Variants in PTPRD observed in about 807,000 individuals in gnomAD.
PTPRD encodes protein tyrosine phosphatase receptor type D, also known as receptor-type tyrosine-protein phosphatase delta.
Under a neutral mutation model 214.5 loss-of-function variants are expected in PTPRD, and 34 were observed. The observed-to-expected ratio is 0.16, with a 90% CI of 0.12 to 0.21. The LOEUF (loss-of-function observed/expected upper bound fraction) is 0.21. Among genes scored for constraint, PTPRD ranks in the 10% least tolerant of loss-of-function variants. PTPRD has a pLI of 1.00. For missense variants in PTPRD, 2,545 were observed against 2,398.7 expected, an observed-to-expected ratio of 1.06 and a Z score of -1.27; for synonymous variants, 1,128 against 845.7, an observed-to-expected ratio of 1.33 and a Z score of -5.79.
chr9:8,964,188 CTG>C (rs796631137), intron 11 of PTPRD, among the ~76,000 whole-genome samples: 8,233 of 79,804 alleles, frequency 0.1, 2,199 homozygotes, highest in South Asian at 0.17. Context: ...TAGTTCAGGG[CTG>C]TGTTTTTTTT....
chr9:9,428,640 C>T (rs1206778027), intron 8 of PTPRD, among the ~76,000 whole-genome samples: 1 of 152,138 alleles, frequency 6.6e-6, no homozygotes, highest in Non-Finnish European at 1.5e-5. Context: ...CAAAACTGAC[C>T]ACATAGTTGG....
chr9:10,015,705 A>T (rs1473407609), intron 4 of PTPRD, among the ~76,000 whole-genome samples: 1 of 152,196 alleles, frequency 6.6e-6, no homozygotes. Context: ...AAGGAAGAGG[A>T]GTAGCAGAAA....
chr9:9,832,846 GAGTTTTTGTAGGAATTCAATTAA>G (rs1166421752), intron 5 of PTPRD, among the ~76,000 whole-genome samples: 1 of 151,098 alleles, frequency 6.6e-6, no homozygotes, highest in Non-Finnish European at 1.5e-5. Flanking sequence ...ACTCCTCAAT[GAGTTTTTGTAGGAATTCAATTAA>G]AGAATGGGAA....
At chr9:10,091,448 A>C (rs1259256169) in intron 3 of PTPRD, among the ~76,000 whole-genome samples, 1 of 151,562 alleles carries the variant, frequency 6.6e-6, no homozygotes, top group Non-Finnish European at 1.5e-5. Context: ...TAGCAAGTAG[A>C]GTTATATGTC....
chr9:9,115,031 A>G (rs957580638), intron 10 of PTPRD, among the ~76,000 whole-genome samples: 1 of 152,164 alleles, frequency 6.6e-6, no homozygotes, highest in African/African-American at 2.4e-5. Flanking sequence ...GTATCCAAAC[A>G]AAGCTTGGGT....
chr9:10,101,308 C>T (rs572955879), intron 3 of PTPRD, among the ~76,000 whole-genome samples: 1 of 151,664 alleles, frequency 6.6e-6, no homozygotes, highest in East Asian at 2.0e-4. Flanking sequence ...TTAAAAATGC[C>T]TCCTCAAGCA....
At chr9:8,591,118 T>G (rs1303370755) in intron 14 of PTPRD, among the ~76,000 whole-genome samples, 1 of 152,164 alleles carries the variant, frequency 6.6e-6, no homozygotes, top group African/African-American at 2.4e-5. Flanking sequence ...TGCCTCCAAT[T>G]TAAAGACCCT....
At chr9:8,964,624 G>A (rs1460655118) in intron 11 of PTPRD, among the ~76,000 whole-genome samples, 1 of 151,522 alleles carries the variant, frequency 6.6e-6, no homozygotes, top group Non-Finnish European at 1.5e-5. Context: ...TTGTTTTTCT[G>A]GTTCTTCCAG....
At chr9:9,719,282 C>G (rs570214522) in intron 7 of PTPRD, among the ~76,000 whole-genome samples, 7 of 152,114 alleles carry the variant, frequency 4.6e-5, no homozygotes, top group African/African-American at 1.4e-4. Flanking sequence ...TGTTCAACCT[C>G]CAGTTGTCCA....
chr9:9,176,291 CT>C (rs1351349144), intron 10 of PTPRD, among the ~76,000 whole-genome samples: 1 of 152,142 alleles, frequency 6.6e-6, no homozygotes, highest in Non-Finnish European at 1.5e-5. Context: ...AGGTATCTAA[CT>C]TTTCATGAAC....
chr9:10,328,316 T>C (rs976047682), intron 3 of PTPRD, among the ~76,000 whole-genome samples: 5 of 151,800 alleles, frequency 3.3e-5, no homozygotes, highest in Admixed American at 2.0e-4. Context: ...ATCATGTGTA[T>C]TGAATTACAC....
At chr9:9,830,921 T>C (rs1378501979) in intron 5 of PTPRD, among the ~76,000 whole-genome samples, 3 of 151,970 alleles carry the variant, frequency 2.0e-5, no homozygotes, top group Non-Finnish European at 4.4e-5. Flanking sequence ...GTAAAATGTA[T>C]TGTAGGTATC....
chr9:10,247,042 T>C (rs1283100845), intron 3 of PTPRD, among the ~76,000 whole-genome samples: 1 of 152,146 alleles, frequency 6.6e-6, no homozygotes, highest in African/African-American at 2.4e-5. Context: ...AGAATTGCTA[T>C]AGGGTCAAAG....
intron 2 of PTPRD, among the ~76,000 whole-genome samples, chr9:10,380,614 A>C (rs138174863): frequency 7.9e-5 from 12 of 152,176 alleles, no homozygotes; most frequent in African/African-American, 2.6e-4. Context: ...ACTGTTTACC[A>C]ATTTACCTTA....
At chr9:9,864,142 T>TA (rs113250897) in intron 5 of PTPRD, among the ~76,000 whole-genome samples, 22 of 151,968 alleles carry the variant, frequency 1.4e-4, no homozygotes, top group Admixed American at 3.9e-4. Flanking sequence ...CCACCTCTAC[T>TA]AAAAAATACA....
chr9:8,575,735 T>C (rs1352861037), intron 14 of PTPRD, among the ~76,000 whole-genome samples: 2 of 152,202 alleles, frequency 1.3e-5, no homozygotes, highest in Non-Finnish European at 2.9e-5. Context: ...TGCTCAGTTT[T>C]TCAAAATGAG....
intron 7 of PTPRD, among the ~76,000 whole-genome samples, chr9:9,701,507 A>C (rs74933936): frequency 0.13 from 19,947 of 152,152 alleles, 1,894 homozygotes; most frequent in East Asian, 0.39. Context: ...TCAAATTAGC[A>C]ACAAACCATA....
intron 5 of PTPRD, among the ~76,000 whole-genome samples, chr9:9,825,627 C>G (rs549278279): frequency 6.8e-4 from 104 of 152,004 alleles, no homozygotes; most frequent in African/African-American, 2.1e-3. Context: ...TTGTCTGAAG[C>G]TTATTCTACG....
rs150357406 is a variant in PTPRD at position 8,778,781 on chromosome 9, C to A, written c.-103-44835G>T. Among the ~76,000 whole-genome samples the A allele has an allele frequency of 4.5e-3, 691 of 152,280 alleles. 8 individuals carry two copies. Among genetic ancestry groups the A allele is most frequent in the African/African-American group, 0.016 (678 of 41,562 alleles). ...AGACCGTGGCTACAATATTCATCCA[C>A]TCTGAGCTTCAGTTTTATCACATAA... On this transcript the variant is annotated intron_variant, in intron 11 of 45. Transcript: ENST00000381196.
Sources: allele counts gnomAD v4.1 joint callset (sites outside exome capture counted in the v4.1 genomes callset), GRCh38; gene constraint gnomAD v4.1.1; transcripts MANE v1.5; gene names NCBI Gene and HGNC (gene_info 2026-07-23, HGNC 2026-07-21).